Variants in MTMR3 observed in about 807,000 individuals in gnomAD.
MTMR3 encodes myotubularin related protein 3, also known as phosphatidylinositol-3,5-bisphosphate 3-phosphatase MTMR3.
In MTMR3, 32 loss-of-function variants were observed where a neutral mutation model predicts 132.4. The ratio of observed to expected loss-of-function variants is 0.24; its 90% CI spans 0.18 to 0.32. The LOEUF is 0.32. MTMR3 is among the 10% of genes least tolerant of loss of function. The pLI, the probability that MTMR3 is intolerant of heterozygous loss-of-function variation, is 1.00. For synonymous variants in MTMR3, 556 were observed against 550.3 expected (o/e 1.01, Z -0.14); for missense variants, 1,216 against 1,489.6 (o/e 0.82, Z 3.02).
rs2066961286 is a variant in MTMR3 at position 29,991,557 on chromosome 22, A to G, written c.347A>G (p.Asn116Ser). 4 of 1,613,994 alleles carry G rather than the reference A, an allele frequency of 2.5e-6. No homozygotes were observed. The African/African-American group carries it at 4.0e-5, about 16-fold the overall frequency. ...QCQEWLKRLN[N>S]AIRPPAKIED... ...CAAGAGTGGCTGAAGAGACTGAACA[A>G]CGCAATCCGACCACCTGCTAAAATA... Residue 116 changes from asparagine (N) to serine (S), a missense_variant, in exon 7 of 20, where the codon AAC becomes AGC. Coordinates refer to ENST00000401950, the MANE Select transcript of MTMR3 (RefSeq NM_021090.4).
At chr22:29,942,180 A>G (rs2065869139) in intron 1 of MTMR3, among the ~76,000 whole-genome samples, 1 of 152,142 alleles carries the variant, frequency 6.6e-6, no homozygotes, top group Admixed American at 6.5e-5. Flanking sequence ...ACTACAAAAG[A>G]GAGAAATTTT....
intron 8 of MTMR3, chr22:30,000,939 A>G (rs1379377767): frequency 6.6e-6 from 1 of 151,718 alleles, no homozygotes; most frequent in Non-Finnish European, 1.5e-5. Context: ...TAGATCAAGT[A>G]AAAAAAAACT....
At chr22:29,974,703 C>T (rs2066597986) in intron 3 of MTMR3, among the ~76,000 whole-genome samples, 3 of 152,086 alleles carry the variant, frequency 2.0e-5, no homozygotes, top group Admixed American at 2.0e-4. Context: ...CAGTTCTGTG[C>T]TAAAAGTCAG....
intron 1 of MTMR3, among the ~76,000 whole-genome samples, chr22:29,950,487 C>G (rs1359640275): frequency 1.3e-5 from 2 of 152,060 alleles, no homozygotes; most frequent in East Asian, 3.9e-4. Flanking sequence ...CCTCAGCCTC[C>G]TGAGTAGCTG....
intron 1 of MTMR3, among the ~76,000 whole-genome samples, chr22:29,886,004 C>T (rs1203888022): frequency 6.6e-6 from 1 of 152,208 alleles, no homozygotes; most frequent in Non-Finnish European, 1.5e-5. Context: ...TTGCACCCAG[C>T]TGTCCATTAG....
intron 14 of MTMR3, chr22:30,013,842 C>T: frequency 3.7e-6 from 1 of 268,834 alleles, no homozygotes; most frequent in South Asian, 3.9e-5. Context: ...GACCATACTC[C>T]CTCCAGTCTG....
chr22:30,022,775 G>T, intron 19 of MTMR3, 78 bp downstream of exon 19: 7 of 1,264,888 alleles, frequency 5.5e-6, no homozygotes, highest in Non-Finnish European at 5.6e-6. Flanking sequence ...AGAGTAGAGG[G>T]TTGTGGGTAT....
rs1464045227 is a variant in MTMR3, at chr22:30,002,184, C to CGGG, written c.558-696_558-695insGGG. 501 of 152,276 alleles carry CGGG rather than the reference C, an allele frequency of 3.3e-3. 20 individuals are homozygous for CGGG. In the South Asian group the frequency reaches 0.047, roughly 14 times the overall value. The allele number at this position is 152,276 out of a possible 1,614,324, so 9.4% of individuals were successfully genotyped here. A position where few individuals can be genotyped will look rare whatever the true frequency, so the allele number is the denominator to read the frequency against. ...CCCTAATTAAAAGAAAGCTTATCCC[C>CGGG]CCGCCCCCAGTATAATTTGTTCTGA... On this transcript the variant is annotated intron_variant, in intron 8 of 19. Transcript: ENST00000401950.
intron 1 of MTMR3, among the ~76,000 whole-genome samples, chr22:29,926,504 C>G (rs1569007583): frequency 6.6e-6 from 1 of 152,170 alleles, no homozygotes; most frequent in Non-Finnish European, 1.5e-5. Context: ...ACATTCCTAT[C>G]AGCAATTATT....
At chr22:29,950,036 G>T (rs1177703713) in intron 1 of MTMR3, among the ~76,000 whole-genome samples, 1 of 152,188 alleles carries the variant, frequency 6.6e-6, no homozygotes, top group Non-Finnish European at 1.5e-5. Flanking sequence ...AGCAGGACAT[G>T]AATGAGTGTG....
intron 7 of MTMR3, chr22:29,993,094 G>T (rs990882539): frequency 6.6e-6 from 1 of 152,166 alleles, no homozygotes; most frequent in Admixed American, 6.5e-5. Flanking sequence ...AAAAACAAAA[G>T]CACCTGCCCT....
chr22:29,996,812 AACT>A (rs2067071023), intron 7 of MTMR3: 2 of 151,984 alleles, frequency 1.3e-5, no homozygotes, highest in Non-Finnish European at 2.9e-5. Context: ...CTGCAGCCTC[AACT>A]TCCCTAGGTT....
intron 12 of MTMR3, 102 bp downstream of exon 12, chr22:30,009,231 G>T: frequency 1.2e-6 from 1 of 808,158 alleles, no homozygotes; most frequent in South Asian, 1.6e-5. Context: ...AATTAATTTG[G>T]AGCAGTCTTT....
chr22:29,892,521 A>T (rs757115601), intron 1 of MTMR3, among the ~76,000 whole-genome samples: 1 of 152,200 alleles, frequency 6.6e-6, no homozygotes, highest in Non-Finnish European at 1.5e-5. Flanking sequence ...GCCTGAGCCT[A>T]TAACAAACTT....
At chr22:29,949,530 G>C (rs1306407380) in intron 1 of MTMR3, among the ~76,000 whole-genome samples, 2 of 121,672 alleles carry the variant, frequency 1.6e-5, no homozygotes, top group East Asian at 2.6e-4. Flanking sequence ...AACAACACAC[G>C]TACACATAAA....
intron 1 of MTMR3, among the ~76,000 whole-genome samples, chr22:29,892,495 A>G (rs2064819661): frequency 1.3e-5 from 2 of 152,156 alleles, no homozygotes; most frequent in African/African-American, 2.4e-5. Context: ...ACCTGTCACT[A>G]ACTCTGTTTG....
chr22:29,918,191 T>A (rs566366051), intron 1 of MTMR3, among the ~76,000 whole-genome samples: 1 of 152,218 alleles, frequency 6.6e-6, no homozygotes, highest in Admixed American at 6.5e-5. Context: ...GGAAGGGAAG[T>A]GTTGAGGGGC....
At chr22:29,932,955 CT>C (rs2145793787) in intron 1 of MTMR3, among the ~76,000 whole-genome samples, 1 of 151,992 alleles carries the variant, frequency 6.6e-6, no homozygotes, top group East Asian at 1.9e-4. Flanking sequence ...GAGTTTATTT[CT>C]TTTTATAAAA....
At chr22:29,891,980 C>T (rs934073154) in intron 1 of MTMR3, among the ~76,000 whole-genome samples, 8 of 151,860 alleles carry the variant, frequency 5.3e-5, no homozygotes, top group African/African-American at 9.7e-5. Flanking sequence ...CCGTGAAACC[C>T]GCCTCTACTA....
Sources: allele counts gnomAD v4.1 joint callset (sites outside exome capture counted in the v4.1 genomes callset), GRCh38; gene constraint gnomAD v4.1.1; transcripts MANE v1.5; gene names NCBI Gene and HGNC (gene_info 2026-07-23, HGNC 2026-07-21).